The following SPMIP2 variants were observed in gnomAD, a reference collection of about 807,000 sequenced individuals.
SPMIP2 encodes protein SPMIP2.
At chr4:159,017,222 T>C in the SPMIP2 span, among the ~76,000 whole-genome samples, 1 of 152,210 alleles carries the variant, frequency 6.6e-6, no homozygotes, top group South Asian at 2.1e-4. Flanking sequence ...CTGCACTGCC[T>C]TTTTGTGCTG....
chr4:159,008,186 T>C, the SPMIP2 span, among the ~76,000 whole-genome samples: 1 of 152,368 alleles, frequency 6.6e-6, no homozygotes, highest in East Asian at 1.9e-4. Context: ...ATATACATAT[T>C]GATACCTCAG....
At chr4:158,980,987 T>A in the SPMIP2 span, among the ~76,000 whole-genome samples, 10 of 152,250 alleles carry the variant, frequency 6.6e-5, no homozygotes, top group Non-Finnish European at 1.2e-4. Context: ...CTAACTAGAA[T>A]AACCAGTTTA....
chr4:159,053,430 A>G, the SPMIP2 span, among the ~76,000 whole-genome samples: 1 of 152,256 alleles, frequency 6.6e-6, no homozygotes, highest in Admixed American at 6.5e-5. Context: ...GTTGAGTTAC[A>G]CCTAGGAGAA....
At chr4:158,920,226 G>T in the SPMIP2 span, among the ~76,000 whole-genome samples, 1 of 152,076 alleles carries the variant, frequency 6.6e-6, no homozygotes, top group African/African-American at 2.4e-5. Context: ...TGTGATAATT[G>T]TGTTAACTGT....
At chr4:158,903,338 C>CG in the SPMIP2 span, among the ~76,000 whole-genome samples, 11 of 152,132 alleles carry the variant, frequency 7.2e-5, no homozygotes, top group Non-Finnish European at 1.5e-4. Context: ...TGAGATGAGC[C>CG]GGGTACATCA....
the SPMIP2 span, among the ~76,000 whole-genome samples, chr4:158,927,158 TAGAC>T: frequency 9.9e-5 from 15 of 152,240 alleles, no homozygotes; most frequent in Non-Finnish European, 1.6e-4. Context: ...GTCTTCCTGA[TAGAC>T]TGACCATTTT....
At chr4:159,000,371 C>T in the SPMIP2 span, among the ~76,000 whole-genome samples, 179 of 152,228 alleles carry the variant, frequency 1.2e-3, 5 homozygotes, top group South Asian at 0.036. Context: ...TCATTTTTCC[C>T]ATACCCAGGC....
the SPMIP2 span, chr4:158,907,529 T>G: frequency 1.3e-5 from 2 of 152,220 alleles, no homozygotes; most frequent in African/African-American, 4.8e-5. Flanking sequence ...TCTGTAGCTT[T>G]TTAGGTTCTT....
chr4:158,973,559 A>T, the SPMIP2 span, among the ~76,000 whole-genome samples: 2 of 152,110 alleles, frequency 1.3e-5, no homozygotes, highest in African/African-American at 4.8e-5. Context: ...TTTTTTCCCC[A>T]GTTTATGTAT....
the SPMIP2 span, chr4:159,007,392 G>T: frequency 4.5e-6 from 3 of 673,604 alleles, no homozygotes; most frequent in Non-Finnish European, 8.4e-6. Context: ...CCTAAGAGTG[G>T]ATTTCTCCCT....
chr4:159,026,426 A>G, the SPMIP2 span: 1 of 969,498 alleles, frequency 1.0e-6, no homozygotes, highest in Non-Finnish European at 1.6e-6. Context: ...TGGGATGGGA[A>G]GAAAAGCACA....
the SPMIP2 span, among the ~76,000 whole-genome samples, chr4:158,904,189 A>C: frequency 1.3e-5 from 2 of 152,138 alleles, no homozygotes; most frequent in African/African-American, 4.8e-5. Flanking sequence ...AAGTCTGGTG[A>C]CCCCTGCCAA....
At chr4:158,996,601 G>A in the SPMIP2 span, among the ~76,000 whole-genome samples, 2 of 152,196 alleles carry the variant, frequency 1.3e-5, no homozygotes, top group African/African-American at 4.8e-5. Context: ...TCTGAGGCAG[G>A]AGGAATCCAG....
At chr4:159,059,286 C>T in the SPMIP2 span, among the ~76,000 whole-genome samples, 1 of 152,102 alleles carries the variant, frequency 6.6e-6, no homozygotes, top group African/African-American at 2.4e-5. Flanking sequence ...GGTTCTGTAT[C>T]CTAAAATATG....
At chr4:158,910,806 T>A in the SPMIP2 span, among the ~76,000 whole-genome samples, 1 of 152,154 alleles carries the variant, frequency 6.6e-6, no homozygotes, top group Non-Finnish European at 1.5e-5. Context: ...CCTGCTGCGT[T>A]TGGATTTACC....
At chr4:159,021,429 A>T in the SPMIP2 span, among the ~76,000 whole-genome samples, 7 of 152,222 alleles carry the variant, frequency 4.6e-5, no homozygotes, top group South Asian at 2.1e-4. Context: ...GCTGGTGCTC[A>T]TGCCTCAGAG....
chr4:158,996,436 T>C, the SPMIP2 span, among the ~76,000 whole-genome samples: 1 of 152,244 alleles, frequency 6.6e-6, no homozygotes, highest in East Asian at 1.9e-4. Flanking sequence ...ATGCTCACCA[T>C]TCACATAGAT....
chr4:158,979,789 G>GTTTT, the SPMIP2 span, among the ~76,000 whole-genome samples: 521 of 104,396 alleles, frequency 5.0e-3, 6 homozygotes, highest in South Asian at 9.8e-3. Context: ...AGTTGCAAGA[G>GTTTT]TTTTTTTTTT....
chr4:158,935,482 C>T, the SPMIP2 span, among the ~76,000 whole-genome samples: 1 of 152,110 alleles, frequency 6.6e-6, no homozygotes, highest in Non-Finnish European at 1.5e-5. Flanking sequence ...TCATTCCTTA[C>T]GTCTTTGTGT....
Sources: gnomAD v4.1 joint callset for allele counts (sites outside exome capture counted in the v4.1 genomes callset) on GRCh38, gnomAD v4.1.1 for gene constraint, MANE v1.5 for transcripts, NCBI Gene and HGNC (gene_info 2026-07-23, HGNC 2026-07-21) for gene names.